Variants in ADAM9 observed in about 807,000 individuals in gnomAD.
ADAM9 encodes the protein ADAM metallopeptidase domain 9, also known as disintegrin and metalloproteinase domain-containing protein 9.
A neutral mutation model predicts 108.1 loss-of-function variants in ADAM9; 54 were observed. The observed-to-expected ratio is 0.50, with a 90% CI of 0.40 to 0.63. The LOEUF is 0.63. ADAM9 is among the 20% of genes least tolerant of loss of function. The probability of loss-of-function intolerance (pLI) is 0.00; values close to 1 mark genes in which losing one functional copy is unlikely to be tolerated. For missense variants in ADAM9, 830 were observed against 997.7 expected (o/e 0.83, Z 2.26); for synonymous variants, 316 against 336.0 (o/e 0.94, Z 0.65).
rs191823554 is a variant in ADAM9, at chr8:39,083,497, C to T, written c.2068+424C>T. Among the ~76,000 whole-genome samples, 233 of 152,334 alleles carry T rather than the reference C, an allele frequency of 1.5e-3. 6 individuals carry two copies. The highest frequency in any genetic ancestry group is 0.014 in the Admixed American group (214 of 15,296). ...CTAGCTTGCCTTTCAAGCCTCATTT[C>T]ACTATGTTGAAGACATATTGTAACT... is the stretch of plus-strand genomic sequence containing the variant. On this transcript the variant is annotated intron_variant, in intron 18 of 21. Transcript: ENST00000487273.
chr8:39,062,891 C>T (rs1838341916), intron 14 of ADAM9, among the ~76,000 whole-genome samples: 1 of 152,144 alleles, frequency 6.6e-6, no homozygotes, highest in Non-Finnish European at 1.5e-5. Context: ...TTTAGTCTCC[C>T]TCAGACTTTG....
At chr8:39,036,343 T>G (rs928873969) in intron 11 of ADAM9, among the ~76,000 whole-genome samples, 1 of 144,950 alleles carries the variant, frequency 6.9e-6, no homozygotes, top group Non-Finnish European at 1.5e-5. Flanking sequence ...TCTAATTCAG[T>G]ACCAGCACTT....
intron 16 of ADAM9, among the ~76,000 whole-genome samples, chr8:39,080,193 T>A (rs1012990916): frequency 2.6e-4 from 37 of 142,498 alleles, no homozygotes; most frequent in Non-Finnish European, 4.0e-4. Flanking sequence ...AACAAAAAAA[T>A]GAATATATTT....
At chr8:39,041,861 C>T in intron 11 of ADAM9, 85 bp from the exon 12 acceptor site, 3 of 1,236,932 alleles carry the variant, frequency 2.4e-6, no homozygotes, top group African/African-American at 1.5e-5. Flanking sequence ...AAAATATTCA[C>T]ATTTTGTGGG....
intron 15 of ADAM9, among the ~76,000 whole-genome samples, chr8:39,075,646 G>C (rs4606027): frequency 0.041 from 6,185 of 152,210 alleles, 437 homozygotes; most frequent in African/African-American, 0.14. Context: ...ATTTGTAACA[G>C]CTTTTTATAT....
At chr8:39,067,965 A>G (rs1419971475) in intron 14 of ADAM9, among the ~76,000 whole-genome samples, 1 of 152,134 alleles carries the variant, frequency 6.6e-6, no homozygotes, top group Non-Finnish European at 1.5e-5. Context: ...GGGCTGTTGA[A>G]TTTTGTCAAA....
chr8:39,063,730 C>T (rs765332576), intron 14 of ADAM9, among the ~76,000 whole-genome samples: 1 of 152,120 alleles, frequency 6.6e-6, no homozygotes, highest in Non-Finnish European at 1.5e-5. Context: ...TCAAAACAAA[C>T]AAACAAGAAA....
At chr8:39,000,638 T>C (rs72638553) in intron 1 of ADAM9, among the ~76,000 whole-genome samples, 12,152 of 151,796 alleles carry the variant, frequency 0.08, 711 homozygotes, top group South Asian at 0.2. Context: ...ATTAAAAACT[T>C]TTTTTGTGTG....
intron 9 of ADAM9, 131 bp from the exon 10 acceptor site, chr8:39,025,672 T>A: frequency 3.3e-6 from 1 of 299,986 alleles, no homozygotes; most frequent in Non-Finnish European, 5.9e-6. Flanking sequence ...GATTTTAGAA[T>A]TTTTTTTTTT....
rs543172211 is a variant in ADAM9, at chr8:39,045,165, T to G, written c.1302+3048T>G. ...ATGTGTATATATGTGTATACATACA[T>G]ATATGTGTATATATGTGTATACATA... On this transcript the variant is annotated intron_variant, in intron 12 of 21. Transcript: ENST00000487273. Among the ~76,000 whole-genome samples the G allele has an allele frequency of 4.3e-5, 5 of 116,694 alleles. 1 individual carries two copies. The highest frequency in any genetic ancestry group is 9.5e-5 in the Non-Finnish European group (5 of 52,410). The allele number at this position is 116,694 out of a possible 152,430, so 76.6% of individuals were successfully genotyped here.
rs555117832 is a variant in ADAM9, at chr8:39,049,734, C to T, written c.1303-4747C>T. Among the ~76,000 whole-genome samples the T allele has an allele frequency of 8.5e-5, 13 of 152,208 alleles. No homozygotes were observed. The South Asian group carries it at 1.2e-3, about 15-fold the overall frequency. On this transcript the variant is annotated intron_variant, in intron 12 of 21. Transcript: ENST00000487273. ...GATTACAGGCGTGAGCCACTGCGCCCGGCCTATAGTTACATTTTATACTTT... is the reference window on the plus strand; with the variant it reads ...GATTACAGGCGTGAGCCACTGCGCCTGGCCTATAGTTACATTTTATACTTT...
rs1254920742 is a variant in ADAM9, at chr8:39,019,064, CTT to C, written c.672+148_672+149del. ...ACTAAAATGGTTTTTTTCCCTTAAA[CTT>C]TATACCACCAGAATACCAACAGAAG... On this transcript the variant is annotated intron_variant, in intron 7 of 21. Coordinates refer to ENST00000487273, the MANE Select transcript of ADAM9 (RefSeq NM_003816.3). 3.7e-4 allele frequency: 281 copies of C among 762,528 alleles called. No homozygotes were observed. The East Asian group carries it at 7.5e-3, about 20-fold the overall frequency. 47.2% of individuals were successfully genotyped at this position (762,528 alleles called of 1,614,324 possible).
At position 39,044,688 on chromosome 8, in the gene ADAM9, G is replaced by A. The variant is rs117528299; in HGVS notation, c.1302+2571G>A. ...CACCTCCATCTTTATGTCCATGTGC[G>A]CGCATTGTTTAGCCCATGCTTATAA... is the stretch of plus-strand genomic sequence containing the variant. On this transcript the variant is annotated intron_variant, in intron 12 of 21. Transcript: ENST00000487273. Among the ~76,000 whole-genome samples the A allele has an allele frequency of 5.7e-3, 872 of 152,042 alleles. 5 individuals carry two copies. The highest frequency in any genetic ancestry group is 0.01 in the Middle Eastern group (3 of 294).
chr8:39,055,983 A>C (rs1303222894), intron 14 of ADAM9, among the ~76,000 whole-genome samples: 1 of 151,994 alleles, frequency 6.6e-6, no homozygotes, highest in Non-Finnish European at 1.5e-5. Context: ...ATATCTTTTT[A>C]TATTTTGTGT....
intron 16 of ADAM9, among the ~76,000 whole-genome samples, chr8:39,078,077 A>C (rs889782089): frequency 2.0e-5 from 3 of 151,806 alleles, no homozygotes; most frequent in African/African-American, 4.8e-5. Context: ...GAGAAGGAGA[A>C]TATATGATTG....
Position 39,103,631 on chromosome 8 carries a change from A to T in ADAM9, c.2391A>T (p.Val797=). 1 of 1,614,126 alleles carries T rather than the reference A, an allele frequency of 6.2e-7. No individual in the cohort carries two copies. The change falls in exon 22 of 22, where the codon GTA becomes GTT. Residue 797 remains valine, a synonymous_variant. Coordinates refer to ENST00000487273, the MANE Select transcript of ADAM9 (RefSeq NM_003816.3). The part of the protein sequence containing the change: ...PSRPPPPQPK[V]SSQGNLIPAR... Reference sequence around the variant, plus strand: ...GGCCACCTCCACCACAACCGAAAGTATCATCTCAGGGAAACTTAATTCCTG... The same window carrying T: ...GGCCACCTCCACCACAACCGAAAGTTTCATCTCAGGGAAACTTAATTCCTG...
chr8:39,005,971 T>G (rs1025356880), intron 1 of ADAM9, among the ~76,000 whole-genome samples: 1 of 152,236 alleles, frequency 6.6e-6, no homozygotes, highest in African/African-American at 2.4e-5. Flanking sequence ...TTTGCACAGT[T>G]AAATACAGGT....
intron 9 of ADAM9, 119 bp from the exon 10 acceptor site, chr8:39,025,683 TG>T: frequency 3.4e-6 from 3 of 872,238 alleles, no homozygotes; most frequent in Admixed American, 2.3e-5. Flanking sequence ...TTTTTTTTTT[TG>T]CCATTTTCCT....
chr8:39,056,694 G>A (rs550230516), intron 14 of ADAM9, among the ~76,000 whole-genome samples: 2 of 152,084 alleles, frequency 1.3e-5, no homozygotes, highest in African/African-American at 2.4e-5. Context: ...TTTTGGTTTG[G>A]TTAATTTCCT....
Sources: allele counts gnomAD v4.1 joint callset (sites outside exome capture counted in the v4.1 genomes callset), GRCh38; gene constraint gnomAD v4.1.1; transcripts MANE v1.5; gene names NCBI Gene and HGNC (gene_info 2026-07-23, HGNC 2026-07-21).